SCAF8: variants seen among roughly 807,000 people sequenced by gnomAD.
The protein encoded by SCAF8 is SR-related CTD associated factor 8.
A neutral mutation model predicts 140.5 loss-of-function variants in SCAF8; 23 were observed. The observed-to-expected ratio is 0.16, with a 90% CI of 0.12 to 0.23. The LOEUF (loss-of-function observed/expected upper bound fraction) is 0.23, where lower values mean the gene tolerates loss of function less well. Ranked by LOEUF, SCAF8 falls within the 10% of genes least tolerant of loss-of-function variation. The pLI is 1.00. For synonymous variants in SCAF8, 575 were observed against 528.9 expected (o/e 1.09, Z -1.20); for missense variants, 1,397 against 1,555.7 (o/e 0.90, Z 1.72).
intron 12 of SCAF8, among the ~76,000 whole-genome samples, chr6:154,813,331 C>G (rs1445063947): frequency 6.6e-6 from 1 of 152,134 alleles, no homozygotes; most frequent in African/African-American, 2.4e-5. Flanking sequence ...TTGAGACCAG[C>G]CTGGGAAGAG....
intron 17 of SCAF8, among the ~76,000 whole-genome samples, chr6:154,825,887 T>C (rs1041613211): frequency 6.6e-6 from 1 of 152,076 alleles, no homozygotes; most frequent in African/African-American, 2.4e-5. Context: ...GTTATAGTCT[T>C]TACCTAGAAA....
At chr6:154,794,009 C>A (rs932691873) in intron 5 of SCAF8, among the ~76,000 whole-genome samples, 1 of 151,804 alleles carries the variant, frequency 6.6e-6, no homozygotes, top group African/African-American at 2.4e-5. Context: ...GCAGCCTCGA[C>A]CTCCTGGCTT....
At chr6:154,774,206 A>G (rs549475559) in intron 2 of SCAF8, 134 bp downstream of exon 2, 2 of 645,090 alleles carry the variant, frequency 3.1e-6, no homozygotes, top group East Asian at 5.6e-5. Flanking sequence ...GAAAAACACA[A>G]AAAAGAAAAT....
intron 13 of SCAF8, 43 bp from the exon 14 acceptor site, chr6:154,818,436 T>G: frequency 9.6e-7 from 1 of 1,047,100 alleles, no homozygotes; most frequent in Non-Finnish European, 1.4e-6. Context: ...CCAGAATGAG[T>G]TTCTGTTCTT....
At chr6:154,825,761 A>G (rs1310239007) in intron 17 of SCAF8, among the ~76,000 whole-genome samples, 1 of 150,162 alleles carries the variant, frequency 6.7e-6, no homozygotes, top group East Asian at 2.0e-4. Flanking sequence ...TGATCTTCCC[A>G]CCTCAACCTC....
chr6:154,796,935 G>A (rs1777625088), intron 6 of SCAF8, among the ~76,000 whole-genome samples: 1 of 151,720 alleles, frequency 6.6e-6, no homozygotes, highest in Non-Finnish European at 1.5e-5. Flanking sequence ...TCATGCCATT[G>A]CACTGTAGCC....
chr6:154,750,713 C>G (rs1014262072), intron 1 of SCAF8, among the ~76,000 whole-genome samples: 4 of 152,142 alleles, frequency 2.6e-5, no homozygotes, highest in African/African-American at 7.2e-5. Context: ...CTCTTAGTTA[C>G]ATAATTCTTT....
chr6:154,762,373 T>A (rs1320287835), intron 1 of SCAF8, among the ~76,000 whole-genome samples: 4 of 152,240 alleles, frequency 2.6e-5, no homozygotes, highest in Non-Finnish European at 4.4e-5. Flanking sequence ...GTTGTAGGAC[T>A]GAGGTCTCTT....
At chr6:154,770,777 G>A (rs985781174) in intron 1 of SCAF8, among the ~76,000 whole-genome samples, 16 of 152,076 alleles carry the variant, frequency 1.1e-4, no homozygotes, top group African/African-American at 3.9e-4. Context: ...ACAAAGCCTC[G>A]CTCTGTCACC....
At chr6:154,755,363 C>T (rs946537201) in intron 1 of SCAF8, among the ~76,000 whole-genome samples, 10 of 152,108 alleles carry the variant, frequency 6.6e-5, no homozygotes, top group African/African-American at 1.9e-4. Flanking sequence ...AAGCGATTCT[C>T]GTGTCTCAGC....
intron 3 of SCAF8, among the ~76,000 whole-genome samples, chr6:154,784,002 G>A (rs922038055): frequency 2.6e-5 from 4 of 151,856 alleles, no homozygotes; most frequent in African/African-American, 9.7e-5. Context: ...ACAAAGCAGA[G>A]GTTGCAGTGA....
chr6:154,806,251 G>T (rs1313391199), intron 9 of SCAF8, among the ~76,000 whole-genome samples: 1 of 152,136 alleles, frequency 6.6e-6, no homozygotes, highest in African/African-American at 2.4e-5. Context: ...GATAAAATAT[G>T]TTAAGTTGTA....
chr6:154,802,157 A>C lies in SCAF8; in HGVS notation c.783+10A>C. On this transcript the variant is annotated intron_variant, in intron 7 of 19. Coordinates refer to ENST00000367178, the MANE Select transcript of SCAF8 (RefSeq NM_014892.5). ...AGTCTCCTTTAACAAGGTAGAAATT[A>C]AAATATCGGATCAAGTCTATATGAA... 6.5e-7 allele frequency: 1 copy of C among 1,538,012 alleles called. No homozygotes were observed.
chr6:154,775,822 T>C (rs1776901050), intron 2 of SCAF8, among the ~76,000 whole-genome samples: 1 of 151,964 alleles, frequency 6.6e-6, no homozygotes, highest in South Asian at 2.1e-4. Flanking sequence ...TTTGACTTAC[T>C]GTTTTTAATG....
At chr6:154,781,658 G>C (rs1777088338) in intron 3 of SCAF8, among the ~76,000 whole-genome samples, 1 of 152,172 alleles carries the variant, frequency 6.6e-6, no homozygotes, top group Admixed American at 6.5e-5. Context: ...TAGTATTTCA[G>C]GGTATGAATT....
intron 1 of SCAF8, among the ~76,000 whole-genome samples, chr6:154,769,085 A>T (rs1382553891): frequency 7.1e-6 from 1 of 140,674 alleles, no homozygotes; most frequent in Non-Finnish European, 1.5e-5. Flanking sequence ...AAAAAAAAAA[A>T]ATCACATATA....
At chr6:154,796,393 G>GTCTGTCTGTCTGTCTC (rs1357675861) in intron 6 of SCAF8, among the ~76,000 whole-genome samples, 1 of 80,144 alleles carries the variant, frequency 1.2e-5, no homozygotes, top group Non-Finnish European at 2.3e-5. Context: ...CTCTCTCTCT[G>GTCTGTCTGTCTGTCTC]TCTCTCTCTT....
At chr6:154,785,853 C>T (rs1777235457) in intron 3 of SCAF8, among the ~76,000 whole-genome samples, 1 of 152,072 alleles carries the variant, frequency 6.6e-6, no homozygotes, top group Non-Finnish European at 1.5e-5. Flanking sequence ...TTACCTTTCT[C>T]CCCCTAAAAA....
intron 7 of SCAF8, among the ~76,000 whole-genome samples, chr6:154,802,412 A>G (rs1777797764): frequency 6.6e-6 from 1 of 152,090 alleles, no homozygotes; most frequent in Non-Finnish European, 1.5e-5. Context: ...ACTTAAGGCC[A>G]GGAGTTTGAG....
Sources: gnomAD v4.1 joint callset for allele counts (sites outside exome capture counted in the v4.1 genomes callset) on GRCh38, gnomAD v4.1.1 for gene constraint, MANE v1.5 for transcripts, NCBI Gene and HGNC (gene_info 2026-07-23, HGNC 2026-07-21) for gene names.